VPS53: variants seen among roughly 807,000 people sequenced by gnomAD.
VPS53 encodes vacuolar protein sorting-associated protein 53 homolog.
A neutral mutation model predicts 107.0 loss-of-function variants in VPS53; 70 were observed. The observed-to-expected ratio is 0.65, with a 90% CI of 0.54 to 0.80. The LOEUF is 0.80. VPS53 is among the 30% of genes least tolerant of loss of function. The pLI is 0.00. For synonymous variants in VPS53, 409 were observed against 393.3 expected (o/e 1.04, Z -0.47); for missense variants, 917 against 1,049.4 (o/e 0.87, Z 1.74).
intron 11 of VPS53, among the ~76,000 whole-genome samples, chr17:611,865 G>C (rs888769863): frequency 1.3e-5 from 2 of 151,438 alleles, no homozygotes; most frequent in South Asian, 4.2e-4. Flanking sequence ...TATTCACATA[G>C]TGAGTTCATA....
chr17:662,891 AAGGCAGGCAGGC>A lies in VPS53; in HGVS notation c.286-1008_286-997del, dbSNP rs796978892. On this transcript the variant is annotated intron_variant, in intron 4 of 21. Coordinates refer to ENST00000437048, the MANE Select transcript of VPS53 (RefSeq NM_001128159.3). ...GAAGGAACGAAGGAAGGAAGGAAGG[AAGGCAGGCAGGC>A]AGGCAGGCAGGCAGGCAGGCAGAAA... Among the ~76,000 whole-genome samples, 118 of 137,640 alleles carry A rather than the reference AAGGCAGGCAGGC, an allele frequency of 8.6e-4. 1 individual carries two copies. Among genetic ancestry groups the A allele is most frequent in the African/African-American group, 5.9e-4 (23 of 38,862 alleles). 90.3% of individuals were successfully genotyped at this position (137,640 alleles called of 152,430 possible). A position where few individuals can be genotyped will look rare whatever the true frequency, so the allele number is the denominator to read the frequency against.
rs772762589 is a variant in VPS53, at chr17:551,922, C to G, written c.1816G>C (p.Val606Leu). 1.9e-6 allele frequency: 3 copies of G among 1,604,454 alleles called. No individual in the cohort carries two copies. The highest frequency in any genetic ancestry group is 2.2e-5 in the South Asian group (2 of 89,016). ...TVISSSIQLLVQDLDAACDPA... is the reference protein window; with the variant it reads ...TVISSSIQLLLQDLDAACDPA... Reference sequence around the variant, plus strand: ...TCACAGGCAGCATCCAGATCCTGAACCAGCAGCTGAATACTGCTGGAGATG... The same window carrying G: ...TCACAGGCAGCATCCAGATCCTGAAGCAGCAGCTGAATACTGCTGGAGATG... Residue 606 changes from valine (V) to leucine (L), a missense_variant, in exon 17 of 22, where the codon GTT becomes CTT. By Grantham distance (32) the Val-to-Leu change is conservative. Transcript: ENST00000437048.
chr17:546,329 TCACACACACACACACACACACA>T (rs71371545), intron 17 of VPS53, among the ~76,000 whole-genome samples: 1 of 131,866 alleles, frequency 7.6e-6, no homozygotes, highest in African/African-American at 2.9e-5. Context: ...CTTAGATATC[TCACACACACACACACACACACA>T]CACACACACA....
chr17:688,642 C>T (rs1198904454), intron 4 of VPS53, among the ~76,000 whole-genome samples: 1 of 152,028 alleles, frequency 6.6e-6, no homozygotes, highest in Non-Finnish European at 1.5e-5. Context: ...AGTCGCCCGC[C>T]CCGCCTCAAC....
At chr17:539,384 G>A (rs1210161906) in intron 17 of VPS53, among the ~76,000 whole-genome samples, 1 of 152,160 alleles carries the variant, frequency 6.6e-6, no homozygotes, top group African/African-American at 2.4e-5. Context: ...TGTGAAAAGA[G>A]CTGATTTGCT....
At position 515,480 on chromosome 17, in the gene VPS53, C is replaced by G. The variant is rs1313769007; in HGVS notation, c.*3648G>C. ...TCCTGACCTCACATGATCCACCTGCCTCGGCCTCCCAAAGTGCTGGGATTA... is the reference window on the plus strand; with the variant it reads ...TCCTGACCTCACATGATCCACCTGCGTCGGCCTCCCAAAGTGCTGGGATTA... On this transcript the variant is annotated 3_prime_UTR_variant, in exon 22 of 22. Coordinates refer to ENST00000437048, the MANE Select transcript of VPS53 (RefSeq NM_001128159.3). 1 of 152,202 alleles carries G rather than the reference C, an allele frequency of 6.6e-6. No homozygotes were observed. The highest frequency in any genetic ancestry group is 1.5e-5 in the Non-Finnish European group (1 of 68,114). The allele number at this position is 152,202 out of a possible 1,614,324, so 9.4% of individuals were successfully genotyped here.
rs1908740741 is a variant in VPS53, at chr17:521,496, C to T, written c.2223+105G>A. The T allele has an allele frequency of 5.5e-6, 7 of 1,267,060 alleles. No homozygotes were observed. The East Asian group carries it at 2.1e-4, about 38-fold the overall frequency. 78.5% of individuals were successfully genotyped at this position (1,267,060 alleles called of 1,614,324 possible). On this transcript the variant is annotated intron_variant, in intron 20 of 21. Transcript: ENST00000437048. ...GTCCAGCCCAAGAATGTGGACCATG[C>T]TTTGAGGCCGGTGAGGATAGGACCT...
chr17:634,579 T>C (rs1044000971), intron 7 of VPS53, among the ~76,000 whole-genome samples: 6 of 127,092 alleles, frequency 4.7e-5, no homozygotes, highest in Non-Finnish European at 6.3e-5. Context: ...CGGTGTGTGA[T>C]GTTCCCCTTC....
intron 7 of VPS53, among the ~76,000 whole-genome samples, chr17:641,416 A>G (rs1009412075): frequency 6.6e-6 from 1 of 152,204 alleles, no homozygotes; most frequent in Admixed American, 6.5e-5. Context: ...CACTACAAAG[A>G]GGTAGCTCAA....
intron 5 of VPS53, among the ~76,000 whole-genome samples, chr17:657,963 G>C (rs1373982916): frequency 7.0e-6 from 1 of 142,112 alleles, no homozygotes; most frequent in South Asian, 2.4e-4. Context: ...AACTCGGCAG[G>C]GAGTTCGTGG....
chr17:662,195 G>T (rs1971462106), intron 4 of VPS53, among the ~76,000 whole-genome samples: 1 of 152,152 alleles, frequency 6.6e-6, no homozygotes, highest in Non-Finnish European at 1.5e-5. Context: ...AGGACAAGTA[G>T]ATCTCTGTGT....
intron 12 of VPS53, among the ~76,000 whole-genome samples, chr17:590,309 C>G (rs1407745465): frequency 5.9e-5 from 9 of 152,202 alleles, no homozygotes; most frequent in Non-Finnish European, 1.2e-4. Flanking sequence ...GATATACAAT[C>G]ATGTCGTCTG....
intron 13 of VPS53, among the ~76,000 whole-genome samples, chr17:571,516 C>CTCTCCCTCTCCCTACGG (rs1490281899): frequency 6.7e-6 from 1 of 149,130 alleles, no homozygotes; most frequent in Non-Finnish European, 1.5e-5. Context: ...TACAGTCTCC[C>CTCTCCCTCTCCCTACGG]TCTCCCTCTC....
At chr17:631,094 A>G (rs898955844) in intron 8 of VPS53, among the ~76,000 whole-genome samples, 1 of 152,062 alleles carries the variant, frequency 6.6e-6, no homozygotes, top group Non-Finnish European at 1.5e-5. Context: ...AATTCCGAAG[A>G]GCAGGCTTAT....
intron 7 of VPS53, among the ~76,000 whole-genome samples, chr17:638,798 T>C (rs929847811): frequency 1.3e-5 from 2 of 152,268 alleles, no homozygotes. Flanking sequence ...GTTAGTCTGA[T>C]GGGCTTCCCT....
chr17:553,336 T>C lies in VPS53; in HGVS notation c.1787+44A>G, dbSNP rs145953258. 3 of 1,583,928 alleles carry C rather than the reference T, an allele frequency of 1.9e-6. No homozygotes were observed. The African/African-American group carries it at 4.0e-5, about 21-fold the overall frequency. On this transcript the variant is annotated intron_variant, in intron 16 of 21. Coordinates refer to ENST00000437048, the MANE Select transcript of VPS53 (RefSeq NM_001128159.3). The stretch of plus-strand genomic sequence containing the variant: ...ATACGTGCTGCACGCTGCTGTGTAG[T>C]GGAGAAAGGGCAGGCAGCCAGTAAG...
intron 12 of VPS53, among the ~76,000 whole-genome samples, chr17:599,062 C>T (rs530587901): frequency 7.2e-6 from 1 of 138,060 alleles, no homozygotes; most frequent in East Asian, 2.3e-4. Context: ...CGCCTCTGCC[C>T]AGCCACCCCT....
intron 8 of VPS53, among the ~76,000 whole-genome samples, chr17:629,624 G>C (rs1017799477): frequency 6.6e-6 from 1 of 151,738 alleles, no homozygotes. Flanking sequence ...TTAGCCAGGC[G>C]TGGTGGCGGG....
chr17:541,604 G>A (rs1910666616), intron 17 of VPS53, among the ~76,000 whole-genome samples: 2 of 144,208 alleles, frequency 1.4e-5, no homozygotes, highest in African/African-American at 5.2e-5. Context: ...CTGAAGGAAC[G>A]TTTATCAAGC....
Sources: allele counts gnomAD v4.1 joint callset (sites outside exome capture counted in the v4.1 genomes callset), GRCh38; gene constraint gnomAD v4.1.1; transcripts MANE v1.5; gene names NCBI Gene and HGNC (gene_info 2026-07-23, HGNC 2026-07-21).